Variants in CHSY3 observed in about 807,000 individuals in gnomAD.
CHSY3 encodes the protein chondroitin sulfate synthase 3, also known as N-acetylgalactosaminyl-proteoglycan 3-beta-glucuronosyltransferase 3.
A neutral mutation model predicts 67.2 loss-of-function variants in CHSY3; 35 were observed. The observed-to-expected ratio is 0.52, with a 90% CI of 0.40 to 0.69. CHSY3 has a LOEUF of 0.69. Among genes scored for constraint, CHSY3 ranks in the 30% least tolerant of loss-of-function variants. The pLI, the probability that CHSY3 is intolerant of heterozygous loss-of-function variation, is 0.00. For missense variants in CHSY3, 1,069 were observed against 1,138.5 expected (o/e 0.94, Z 0.88); for synonymous variants, 474 against 434.7 (o/e 1.09, Z -1.12).
intron 2 of CHSY3, among the ~76,000 whole-genome samples, chr5:130,024,690 G>A (rs559507884): frequency 6.6e-6 from 1 of 152,046 alleles, no homozygotes; most frequent in Admixed American, 6.6e-5. Flanking sequence ...AGAAATTATT[G>A]GTAAACATGA....
intron 2 of CHSY3, among the ~76,000 whole-genome samples, chr5:130,029,478 G>A (rs968845766): frequency 1.3e-5 from 2 of 152,016 alleles, no homozygotes; most frequent in African/African-American, 4.8e-5. Context: ...GCCCTGTACT[G>A]TTAATGCCAC....
intron 2 of CHSY3, among the ~76,000 whole-genome samples, chr5:130,080,037 T>TACAC (rs35994744): frequency 0.11 from 15,596 of 143,188 alleles, 1,160 homozygotes; most frequent in African/African-American, 0.22. Flanking sequence ...CACCTGAACA[T>TACAC]ACACACACAC....
intron 2 of CHSY3, among the ~76,000 whole-genome samples, chr5:129,914,174 A>C (rs1760662322): frequency 1.3e-5 from 2 of 152,028 alleles, no homozygotes; most frequent in South Asian, 4.1e-4. Context: ...GCAATGCTGC[A>C]ATCTTGGCTC....
chr5:130,060,435 A>G (rs1052476985), intron 2 of CHSY3, among the ~76,000 whole-genome samples: 1 of 152,186 alleles, frequency 6.6e-6, no homozygotes, highest in Admixed American at 6.6e-5. Context: ...AAGGCCACAT[A>G]CAACAAACCC....
intron 2 of CHSY3, among the ~76,000 whole-genome samples, chr5:130,057,900 CAGAG>C (rs141613378): frequency 0.016 from 2,434 of 148,894 alleles, 50 homozygotes; most frequent in African/African-American, 0.053. Context: ...TACATGCACA[CAGAG>C]AGAGAGAGAG....
chr5:129,958,309 T>G (rs1762236159), intron 2 of CHSY3, among the ~76,000 whole-genome samples: 1 of 152,090 alleles, frequency 6.6e-6, no homozygotes, highest in Non-Finnish European at 1.5e-5. Context: ...CAGTGTGGAT[T>G]TCTTCTACTG....
rs1161956573 is a variant in CHSY3, at chr5:129,994,956, G to A, written c.1086+86596G>A. ...AGATATACCTAATGCTAAATGACGA[G>A]TTAATGGGTGCAGCACAACAACATG... On this transcript the variant is annotated intron_variant, in intron 2 of 2. Transcript: ENST00000305031. Among the ~76,000 whole-genome samples the A allele has an allele frequency of 2.0e-5, 3 of 152,018 alleles. 1 individual carries two copies. Among genetic ancestry groups the A allele is most frequent in the Non-Finnish European group, 4.4e-5 (3 of 68,006 alleles).
At position 130,034,711 on chromosome 5, in the gene CHSY3, A is replaced by G. The variant is rs151185062; in HGVS notation, c.1086+126351A>G. Among the ~76,000 whole-genome samples, 253 of 152,300 alleles carry G rather than the reference A, an allele frequency of 1.7e-3. 1 individual carries two copies. Among genetic ancestry groups the G allele is most frequent in the African/African-American group, 5.8e-3 (242 of 41,586 alleles). On this transcript the variant is annotated intron_variant, in intron 2 of 2. Transcript: ENST00000305031. ...ATGTGCTCTGTTGAAAAAATAAAGC[A>G]GGATGTCAAGACAGGGAGCACTGAT...
chr5:129,936,981 C>T, intron 2 of CHSY3, among the ~76,000 whole-genome samples: 1 of 152,266 alleles, frequency 6.6e-6, no homozygotes, highest in East Asian at 1.9e-4. Context: ...AAGTCTTCCT[C>T]TTTTCCCTAG....
At chr5:129,987,708 G>A (rs1763246679) in intron 2 of CHSY3, among the ~76,000 whole-genome samples, 1 of 152,060 alleles carries the variant, frequency 6.6e-6, no homozygotes, top group Non-Finnish European at 1.5e-5. Context: ...GTGTAACATG[G>A]CATATTTCTG....
At chr5:130,007,683 A>G (rs1020310676) in intron 2 of CHSY3, among the ~76,000 whole-genome samples, 1 of 152,114 alleles carries the variant, frequency 6.6e-6, no homozygotes, top group African/African-American at 2.4e-5. Flanking sequence ...TGAAGCCCAG[A>G]GAGTTTGGTG....
intron 2 of CHSY3, among the ~76,000 whole-genome samples, chr5:129,923,935 G>T (rs1436035074): frequency 2.0e-5 from 3 of 152,158 alleles, no homozygotes; most frequent in Non-Finnish European, 4.4e-5. Context: ...CTGCATAAAT[G>T]TATTTGTTTT....
chr5:129,926,739 T>A (rs555984743), intron 2 of CHSY3, among the ~76,000 whole-genome samples: 5 of 152,086 alleles, frequency 3.3e-5, no homozygotes, highest in African/African-American at 1.2e-4. Context: ...ATTGAGCGTT[T>A]GCTCTTCTGA....
rs762311513 is a variant in CHSY3, at chr5:130,184,487, ATACCTTCTT to A, written c.1347_1355del (p.Pro450_Phe452del). ...CAAAGAGGACCAGCAGCTGGGAGTG[ATACCTTCTT>A]TCAACCACTTCCAGCCTCGGGAGAG... On this transcript the variant is annotated inframe_deletion, in exon 3 of 3. Coordinates refer to ENST00000305031, the MANE Select transcript of CHSY3 (RefSeq NM_175856.5). 1 of 1,612,782 alleles carries A rather than the reference ATACCTTCTT, an allele frequency of 6.2e-7. No homozygotes were observed. Among genetic ancestry groups the A allele is most frequent in the African/African-American group, 1.3e-5 (1 of 75,040 alleles).
chr5:129,910,945 A>T (rs1760518995), intron 2 of CHSY3, among the ~76,000 whole-genome samples: 1 of 149,078 alleles, frequency 6.7e-6, no homozygotes, highest in Admixed American at 6.7e-5. Context: ...AAATTTTTAA[A>T]TTTCTTTTAT....
At chr5:130,081,101 A>G (rs913359110) in intron 2 of CHSY3, among the ~76,000 whole-genome samples, 2 of 152,102 alleles carry the variant, frequency 1.3e-5, no homozygotes, top group African/African-American at 4.8e-5. Flanking sequence ...AGAGCAGGCA[A>G]TGGTTTGTGA....
chr5:130,150,891 A>G (rs763847709), intron 2 of CHSY3, among the ~76,000 whole-genome samples: 2 of 152,134 alleles, frequency 1.3e-5, no homozygotes, highest in Non-Finnish European at 2.9e-5. Flanking sequence ...AAATATTTTT[A>G]TGTGCCCTAG....
chr5:129,981,853 A>T (rs1762993936), intron 2 of CHSY3, among the ~76,000 whole-genome samples: 1 of 152,162 alleles, frequency 6.6e-6, no homozygotes, highest in Non-Finnish European at 1.5e-5. Context: ...GGTATTCTTT[A>T]TCAAGTACAG....
intron 2 of CHSY3, among the ~76,000 whole-genome samples, chr5:130,048,323 A>G (rs1001627353): frequency 6.6e-6 from 1 of 152,136 alleles, no homozygotes; most frequent in African/African-American, 2.4e-5. Flanking sequence ...AATGAAATAT[A>G]TAGCTACTCC....
Sources: allele counts gnomAD v4.1 joint callset (sites outside exome capture counted in the v4.1 genomes callset), GRCh38; gene constraint gnomAD v4.1.1; transcripts MANE v1.5; gene names NCBI Gene and HGNC (gene_info 2026-07-23, HGNC 2026-07-21).